The following RASGRF2 variants were observed in gnomAD, a reference collection of about 807,000 sequenced individuals.
RASGRF2 encodes ras-specific guanine nucleotide-releasing factor 2.
Under a neutral mutation model 151.0 loss-of-function variants are expected in RASGRF2, and 76 were observed. The observed-to-expected ratio is 0.50, with a 90% CI of 0.42 to 0.61. The LOEUF (loss-of-function observed/expected upper bound fraction) is 0.61. Among genes scored for constraint, RASGRF2 ranks in the 20% least tolerant of loss-of-function variants. The probability of loss-of-function intolerance (pLI) is 0.00; values close to 1 mark genes in which losing one functional copy is unlikely to be tolerated. For synonymous variants in RASGRF2, 504 were observed against 566.5 expected, an observed-to-expected ratio of 0.89 and a Z score of 1.57; for missense variants, 1,148 against 1,564.6, an observed-to-expected ratio of 0.73 and a Z score of 4.49.
intron 1 of RASGRF2, among the ~76,000 whole-genome samples, chr5:80,985,409 T>C (rs563830463): frequency 3.3e-5 from 5 of 152,362 alleles, no homozygotes; most frequent in African/African-American, 9.6e-5. Context: ...GTAATTGATA[T>C]ACGATGTAGC....
At chr5:81,031,275 G>A (rs1750236020) in intron 1 of RASGRF2, among the ~76,000 whole-genome samples, 1 of 152,096 alleles carries the variant, frequency 6.6e-6, no homozygotes, top group Non-Finnish European at 1.5e-5. Context: ...TCCAGGAATT[G>A]AACTCAGCTC....
intron 17 of RASGRF2, among the ~76,000 whole-genome samples, chr5:81,173,965 G>T (rs2112663485): frequency 6.6e-6 from 1 of 152,310 alleles, no homozygotes; most frequent in East Asian, 1.9e-4. Context: ...TTGAATTGTG[G>T]ATAGAAGGAA....
Position 81,113,823 on chromosome 5 carries a change from C to T in RASGRF2, c.2373C>T (p.Gly791=), listed in dbSNP as rs1753073072. The T allele has an allele frequency of 1.2e-6, 2 of 1,614,094 alleles. No homozygotes were observed. The highest frequency in any genetic ancestry group is 1.7e-6 in the Non-Finnish European group (2 of 1,180,048). The change falls in exon 15 of 27, where the codon GGC becomes GGT. Residue 791 remains glycine, a synonymous_variant. Coordinates refer to ENST00000265080, the MANE Select transcript of RASGRF2 (RefSeq NM_006909.3). ...AGATACCACTGGATCTCAGCAGAGG[C>T]CTCTCTTCTCCAGAGCAAAGCCCGG... The part of the protein sequence containing the change: ...TGQIPLDLSR[G]LSSPEQSPGT...
intron 1 of RASGRF2, among the ~76,000 whole-genome samples, chr5:81,026,178 CCCTTCCTTCCTTTTT>C (rs1208176871): frequency 1.5e-3 from 184 of 122,690 alleles, no homozygotes; most frequent in African/African-American, 5.0e-3. Flanking sequence ...CTCCCTTCCT[CCCTTCCTTCCTTTTT>C]CCTTCCTTTC....
chr5:81,063,050 C>T (rs78750184), intron 2 of RASGRF2, among the ~76,000 whole-genome samples: 2 of 149,838 alleles, frequency 1.3e-5, no homozygotes, highest in Admixed American at 6.7e-5. Flanking sequence ...AAAAAAAAAA[C>T]TATGACAGCA....
chr5:81,142,096 G>A (rs1292748798), intron 17 of RASGRF2, among the ~76,000 whole-genome samples: 2 of 152,184 alleles, frequency 1.3e-5, no homozygotes, highest in Non-Finnish European at 2.9e-5. Flanking sequence ...AAGCTAAAAT[G>A]TAAAATTTGG....
rs115339032 is a variant in RASGRF2, at chr5:80,973,989, C to T, written c.288+12963C>T. ...GAGGGGTTTGAAGGCCTGATGTAGC[C>T]AATCTGCCAGGAGCAGTAGTGGGTA... On this transcript the variant is annotated intron_variant, in intron 1 of 26. Transcript: ENST00000265080. 2.6e-3 allele frequency among the ~76,000 whole-genome samples: 394 copies of T among 152,302 alleles called. 2 individuals are homozygous for T. The highest frequency in any genetic ancestry group is 9.1e-3 in the African/African-American group (379 of 41,572).
chr5:81,139,578 C>G (rs746826003), intron 17 of RASGRF2, among the ~76,000 whole-genome samples: 1 of 151,740 alleles, frequency 6.6e-6, no homozygotes, highest in Non-Finnish European at 1.5e-5. Flanking sequence ...ATTGGCCAGG[C>G]TGTTCTTTCT....
intron 17 of RASGRF2, among the ~76,000 whole-genome samples, chr5:81,141,112 A>T (rs1016215999): frequency 6.6e-6 from 1 of 152,210 alleles, no homozygotes; most frequent in Admixed American, 6.5e-5. Flanking sequence ...TTCATGGGCC[A>T]CATTTGGCTG....
At chr5:81,191,546 T>C (rs1279113679) in intron 18 of RASGRF2, among the ~76,000 whole-genome samples, 1 of 152,176 alleles carries the variant, frequency 6.6e-6, no homozygotes, top group Admixed American at 6.5e-5. Context: ...TTAAATACAG[T>C]TTTAAATATT....
At chr5:80,976,148 A>C (rs1561534430) in intron 1 of RASGRF2, among the ~76,000 whole-genome samples, 2 of 152,172 alleles carry the variant, frequency 1.3e-5, no homozygotes, top group African/African-American at 4.8e-5. Flanking sequence ...CGGCTAAAGC[A>C]ATCATCTTTC....
At chr5:81,017,721 A>G (rs1749683954) in intron 1 of RASGRF2, among the ~76,000 whole-genome samples, 1 of 152,220 alleles carries the variant, frequency 6.6e-6, no homozygotes, top group African/African-American at 2.4e-5. Flanking sequence ...CCCATGGGAT[A>G]GAGTTATGGT....
intron 7 of RASGRF2, among the ~76,000 whole-genome samples, chr5:81,084,050 G>A (rs1362290411): frequency 6.6e-6 from 1 of 152,190 alleles, no homozygotes; most frequent in Non-Finnish European, 1.5e-5. Context: ...GGCAGTTTCA[G>A]TGCCTGTTTG....
intron 1 of RASGRF2, among the ~76,000 whole-genome samples, chr5:80,980,270 C>G (rs1748255275): frequency 6.6e-6 from 1 of 152,128 alleles, no homozygotes; most frequent in African/African-American, 2.4e-5. Flanking sequence ...TCCCCAGGGC[C>G]CACCAGCCCT....
chr5:80,980,224 G>T (rs577513264), intron 1 of RASGRF2, among the ~76,000 whole-genome samples: 1 of 152,064 alleles, frequency 6.6e-6, no homozygotes, highest in African/African-American at 2.4e-5. Context: ...TTGCCTCCTC[G>T]GACTGACTGT....
intron 22 of RASGRF2, among the ~76,000 whole-genome samples, chr5:81,211,577 T>C (rs1233604151): frequency 6.6e-6 from 1 of 152,200 alleles, no homozygotes; most frequent in Middle Eastern, 3.2e-3. Context: ...ATTTCCACAG[T>C]GATGGTGTTG....
chr5:81,076,511 G>A (rs1351116623), intron 5 of RASGRF2, among the ~76,000 whole-genome samples: 1 of 151,776 alleles, frequency 6.6e-6, no homozygotes, highest in East Asian at 1.9e-4. Flanking sequence ...GTGTGGAATA[G>A]TGATAACTAG....
At chr5:80,978,812 A>G (rs1748210923) in intron 1 of RASGRF2, among the ~76,000 whole-genome samples, 1 of 151,776 alleles carries the variant, frequency 6.6e-6, no homozygotes, top group African/African-American at 2.4e-5. Context: ...AAAGGGGGGG[A>G]AACAAAACTG....
chr5:80,984,103 C>T (rs1374224651), intron 1 of RASGRF2, among the ~76,000 whole-genome samples: 1 of 152,110 alleles, frequency 6.6e-6, no homozygotes, highest in Non-Finnish European at 1.5e-5. Context: ...TGCTGTTGGG[C>T]AGGCTGGAGT....
Sources: gnomAD v4.1 joint callset for allele counts (sites outside exome capture counted in the v4.1 genomes callset) on GRCh38, gnomAD v4.1.1 for gene constraint, MANE v1.5 for transcripts, NCBI Gene and HGNC (gene_info 2026-07-23, HGNC 2026-07-21) for gene names.